ADCY3: variants seen among roughly 807,000 people sequenced by gnomAD.
The protein encoded by ADCY3 is adenylate cyclase 3, also known as adenylate cyclase type 3.
A neutral mutation model predicts 119.4 loss-of-function variants in ADCY3; 70 were observed. The ratio of observed to expected loss-of-function variants is 0.59; its 90% CI spans 0.48 to 0.72. The LOEUF is 0.72. Ranked by LOEUF, ADCY3 falls within the 30% of genes least tolerant of loss-of-function variation. ADCY3 has a pLI of 0.00. For synonymous variants in ADCY3, 672 were observed against 621.4 expected (o/e 1.08, Z -1.21); for missense variants, 1,238 against 1,541.6 (o/e 0.80, Z 3.30).
chr2:24,879,372 G>A (rs1385860007), intron 2 of ADCY3, among the ~76,000 whole-genome samples: 1 of 146,604 alleles, frequency 6.8e-6, no homozygotes, highest in Non-Finnish European at 1.5e-5. Context: ...AGAACGGCAT[G>A]AACCCGGGAG....
At chr2:24,910,404 C>T (rs1041208456) in intron 2 of ADCY3, among the ~76,000 whole-genome samples, 1 of 151,960 alleles carries the variant, frequency 6.6e-6, no homozygotes, top group Admixed American at 6.6e-5. Context: ...CCATGTTGCC[C>T]AGGTTTAAAC....
intron 13 of ADCY3, 71 bp from the exon 14 acceptor site, chr2:24,828,232 C>T: frequency 6.4e-7 from 1 of 1,563,976 alleles, no homozygotes. Flanking sequence ...GAGGGCTGTG[C>T]ATGGTAGTGC....
Position 24,821,568 on chromosome 2 carries a change from T to C in ADCY3, c.3076A>G (p.Thr1026Ala). Residue 1026 changes from threonine (T) to alanine (A), a missense_variant, in exon 20 of 22, where the codon ACG (threonine) becomes GCG (alanine). Coordinates refer to ENST00000679454, the MANE Select transcript of ADCY3 (RefSeq NM_004036.5). Reference protein sequence around the residue: ...LADFALAMKDTLTNINNQSFN... With the variant: ...LADFALAMKDALTNINNQSFN... ...GACTGGTTGTTGATGTTGGTGAGCGTATCCTTCATGGCCAGCGCGAAGTCG... is the reference window on the plus strand; with the variant it reads ...GACTGGTTGTTGATGTTGGTGAGCGCATCCTTCATGGCCAGCGCGAAGTCG... The C allele has an allele frequency of 1.2e-6, 2 of 1,614,110 alleles. No homozygotes were observed. The highest frequency in any genetic ancestry group is 2.2e-5 in the East Asian group (1 of 44,884).
At position 24,859,975 on chromosome 2, in the gene ADCY3, G is replaced by A. The variant is rs531488233; in HGVS notation, c.825+12595C>T. Among the ~76,000 whole-genome samples the A allele has an allele frequency of 2.6e-5, 4 of 152,318 alleles. No individual in the cohort carries two copies. The South Asian group carries it at 8.3e-4, about 32-fold the overall frequency. ...CTGCAGCATCCTCCTGTCTGAGGGT[G>A]GGCACTGTGGACAGTCCTCACCTCC... On this transcript the variant is annotated intron_variant, in intron 3 of 21. Coordinates refer to ENST00000679454, the MANE Select transcript of ADCY3 (RefSeq NM_004036.5).
At chr2:24,829,042 A>T (rs1267768554) in intron 13 of ADCY3, among the ~76,000 whole-genome samples, 2 of 147,496 alleles carry the variant, frequency 1.4e-5, no homozygotes, top group African/African-American at 2.5e-5. Flanking sequence ...TTTGAGATGG[A>T]GTCTCGCTCT....
chr2:24,824,570 A>C, intron 16 of ADCY3, 34 bp from the exon 17 acceptor site: 6 of 1,608,192 alleles, frequency 3.7e-6, no homozygotes, highest in Non-Finnish European at 5.1e-6. Flanking sequence ...CATGTGCTCT[A>C]AGCTGGCCAC....
intron 2 of ADCY3, among the ~76,000 whole-genome samples, chr2:24,879,112 G>T (rs909071397): frequency 6.6e-6 from 1 of 152,146 alleles, no homozygotes. Flanking sequence ...GTGCCCTGGA[G>T]CAAGTCGCCT....
chr2:24,906,136 G>A (rs563104506), intron 2 of ADCY3, among the ~76,000 whole-genome samples: 6 of 152,018 alleles, frequency 3.9e-5, no homozygotes, highest in East Asian at 1.9e-4. Context: ...GTGAAACCCC[G>A]TCTCTACTAA....
intron 2 of ADCY3, among the ~76,000 whole-genome samples, chr2:24,916,360 G>A (rs1664449632): frequency 6.6e-6 from 1 of 152,294 alleles, no homozygotes; most frequent in African/African-American, 2.4e-5. Context: ...TGGAGCTAGA[G>A]AGACCAGTCA....
intron 2 of ADCY3, among the ~76,000 whole-genome samples, chr2:24,911,412 C>T (rs943172233): frequency 2.7e-5 from 4 of 150,666 alleles, no homozygotes; most frequent in African/African-American, 7.3e-5. Flanking sequence ...TTTGGTAGGC[C>T]GAGGCAGGTG....
chr2:24,831,318 A>G (rs1179815384), intron 12 of ADCY3, among the ~76,000 whole-genome samples: 1 of 150,888 alleles, frequency 6.6e-6, no homozygotes. Flanking sequence ...GGCCTTCACC[A>G]TCGGGGCCAA....
chr2:24,888,172 C>T (rs1383848904), intron 2 of ADCY3, among the ~76,000 whole-genome samples: 1 of 152,230 alleles, frequency 6.6e-6, no homozygotes, highest in African/African-American at 2.4e-5. Flanking sequence ...ACATCAAAAA[C>T]ATTCAAACCA....
chr2:24,819,912 T>C lies in ADCY3; in HGVS notation c.*20A>G, dbSNP rs374572224. 5.6e-6 allele frequency: 9 copies of C among 1,610,074 alleles called. No individual in the cohort carries two copies. In the African/African-American group the frequency reaches 1.1e-4, roughly 19 times the overall value. The stretch of plus-strand genomic sequence containing the variant: ...ATAAATTCTCCCTTCCGGTTTGGAC[T>C]GTTGCAGGCTCGAGGCCATTCAGGA... On this transcript the variant is annotated 3_prime_UTR_variant, in exon 22 of 22. Transcript: ENST00000679454.
Position 24,872,582 on chromosome 2 carries a change from C to T in ADCY3, c.813G>A (p.Gln271=). ...CCGAGAGCCTCACCTGCTGCTGGCT[C>T]TGCTCTTCCAGGTTCATCTTCACCT... ...SLEVKMNLEE[Q]SQQQENLMLS... Residue 271 remains glutamine (Q), a synonymous_variant, in exon 3 of 22, where the codon CAG becomes CAA. Transcript: ENST00000679454. This position sits in a 1 kb window ranked among gnomAD's most constrained non-coding sequence, Gnocchi z 4.4. 1 of 1,614,168 alleles carries T rather than the reference C, an allele frequency of 6.2e-7. No homozygotes were observed. Among genetic ancestry groups the T allele is most frequent in the Non-Finnish European group, 8.5e-7 (1 of 1,179,998 alleles).
chr2:24,868,852 TAA>T (rs35609705), intron 3 of ADCY3, among the ~76,000 whole-genome samples: 1 of 144,358 alleles, frequency 6.9e-6, no homozygotes, highest in Non-Finnish European at 1.5e-5. Flanking sequence ...CCACCTCTAC[TAA>T]AAAAAAAAAA....
intron 11 of ADCY3, among the ~76,000 whole-genome samples, chr2:24,832,640 C>T (rs979269210): frequency 6.6e-6 from 1 of 152,184 alleles, no homozygotes. Context: ...ACTTTTCTCG[C>T]TTGGTTTCTT....
chr2:24,841,363 C>A lies in ADCY3; in HGVS notation c.1092G>T (p.Lys364Asn), dbSNP rs897416660. The stretch of plus-strand genomic sequence containing the variant: ...TGCAGTAGTAGCAGTCGCCCAGGAT[C>A]TTAATCCGCAGCTGGTGGTATTTCT... ...LAAKYHQLRIKILGDCYYCIC... is the reference protein window; with the variant it reads ...LAAKYHQLRINILGDCYYCIC... The change falls in exon 6 of 22, where the codon AAG becomes AAT. Residue 364 changes from lysine (K) to asparagine (N), a missense_variant. Lys to Asn is a moderately conservative substitution (Grantham distance 94). Transcript: ENST00000679454. The surrounding 1 kb of genome is among the most constrained non-coding windows in gnomAD (Gnocchi z 5.8). 1 of 1,609,034 alleles carries A rather than the reference C, an allele frequency of 6.2e-7. No individual in the cohort carries two copies. Among genetic ancestry groups the A allele is most frequent in the African/African-American group, 1.3e-5 (1 of 75,018 alleles).
chr2:24,842,807 A>G lies in ADCY3; in HGVS notation c.826-423T>C, dbSNP rs1671187043. Among the ~76,000 whole-genome samples, 1 of 152,214 alleles carries G rather than the reference A, an allele frequency of 6.6e-6. No individual in the cohort carries two copies. Among genetic ancestry groups the G allele is most frequent in the Non-Finnish European group, 1.5e-5 (1 of 68,034 alleles). ...CAAAATTCTGCTTTGACCTGATCAAAGACTGACAGCAGACCAGGCACTACA... is the reference window on the plus strand; with the variant it reads ...CAAAATTCTGCTTTGACCTGATCAAGGACTGACAGCAGACCAGGCACTACA... On this transcript the variant is annotated intron_variant, in intron 3 of 21. Transcript: ENST00000679454. The surrounding 1 kb of genome is among the most constrained non-coding windows in gnomAD (Gnocchi z 4.9).
At position 24,919,303 on chromosome 2, in the gene ADCY3, T is replaced by G; in HGVS notation, c.-197-119A>C. ...GCAAGAGCCTCCCAACCCAGGGCCTTCCCTGCCACCCCCGGCTCACACCAC... is the reference window on the plus strand; with the variant it reads ...GCAAGAGCCTCCCAACCCAGGGCCTGCCCTGCCACCCCCGGCTCACACCAC... On this transcript the variant is annotated intron_variant, in intron 1 of 21. Transcript: ENST00000679454. The surrounding 1 kb of genome is among the most constrained non-coding windows in gnomAD (Gnocchi z 5.5). 1 of 299,438 alleles carries G rather than the reference T, an allele frequency of 3.3e-6. No homozygotes were observed. Among genetic ancestry groups the G allele is most frequent in the South Asian group, 4.6e-5 (1 of 21,756 alleles). 18.5% of individuals were successfully genotyped at this position (299,438 alleles called of 1,614,324 possible).
Sources: allele counts gnomAD v4.1 joint callset (sites outside exome capture counted in the v4.1 genomes callset), GRCh38; gene constraint gnomAD v4.1.1; non-coding constraint Gnocchi (gnomAD v3.1); transcripts MANE v1.5; gene names NCBI Gene and HGNC (gene_info 2026-07-23, HGNC 2026-07-21).